Variants in MOB3B observed in about 807,000 individuals in gnomAD.
MOB3B encodes the protein MOB kinase activator-like 2B.
MOB3B carries 7 observed loss-of-function variants against 18.7 expected under a neutral mutation model. The observed-to-expected ratio is 0.37, with a 90% CI of 0.21 to 0.70. The LOEUF (loss-of-function observed/expected upper bound fraction) is 0.70, where lower values mean the gene tolerates loss of function less well. Ranked by LOEUF, MOB3B falls within the 30% of genes least tolerant of loss-of-function variation. The pLI is 0.52. For synonymous variants in MOB3B, 111 were observed against 99.9 expected (o/e 1.11, Z -0.66); for missense variants, 253 against 281.3 (o/e 0.90, Z 0.72).
intron 2 of MOB3B, among the ~76,000 whole-genome samples, chr9:27,433,983 A>T (rs1244301012): frequency 2.0e-5 from 3 of 152,216 alleles, no homozygotes; most frequent in African/African-American, 7.2e-5. Context: ...CAGGAGGTGG[A>T]GCCCAGCATC....
chr9:27,514,243 G>C (rs1441025456), intron 1 of MOB3B, among the ~76,000 whole-genome samples: 2 of 149,802 alleles, frequency 1.3e-5, no homozygotes, highest in African/African-American at 4.9e-5. Flanking sequence ...AATATTTGGA[G>C]GCATAAGGCT....
At chr9:27,417,801 G>A (rs193118909) in intron 2 of MOB3B, among the ~76,000 whole-genome samples, 6 of 152,120 alleles carry the variant, frequency 3.9e-5, no homozygotes, top group Admixed American at 2.6e-4. Context: ...GGTGGCTCAC[G>A]CCTGTAATCC....
rs188930563 is a variant in MOB3B at position 27,459,018 on chromosome 9, C to G, written c.-198-3270G>C. 1.2e-4 allele frequency among the ~76,000 whole-genome samples: 18 copies of G among 151,782 alleles called. No homozygotes were observed. The East Asian group carries it at 1.6e-3, about 13-fold the overall frequency. Reference sequence around the variant, plus strand: ...AATAGGTTGATCAGGTAGGCCCCCCCCCATGTTTAAAGACAATGGCAATCC... The same window carrying G: ...AATAGGTTGATCAGGTAGGCCCCCCGCCATGTTTAAAGACAATGGCAATCC... On this transcript the variant is annotated intron_variant, in intron 1 of 3. Transcript: ENST00000262244.
chr9:27,424,432 G>C (rs763414801), intron 2 of MOB3B, among the ~76,000 whole-genome samples: 2 of 152,194 alleles, frequency 1.3e-5, no homozygotes, highest in African/African-American at 2.4e-5. Flanking sequence ...GGTCCCCAGT[G>C]AGTCATTTCA....
At chr9:27,467,636 A>T (rs1276395457) in intron 1 of MOB3B, among the ~76,000 whole-genome samples, 1 of 152,266 alleles carries the variant, frequency 6.6e-6, no homozygotes, top group African/African-American at 2.4e-5. Flanking sequence ...TTTTACTAAC[A>T]TCGCCCCAGG....
chr9:27,510,699 T>C (rs1820129852), intron 1 of MOB3B, among the ~76,000 whole-genome samples: 1 of 152,198 alleles, frequency 6.6e-6, no homozygotes, highest in Admixed American at 6.5e-5. Context: ...GAGCCAATGT[T>C]GAGCAAATGG....
intron 2 of MOB3B, among the ~76,000 whole-genome samples, chr9:27,371,780 C>T (rs1466977152): frequency 1.3e-5 from 2 of 151,590 alleles, no homozygotes; most frequent in African/African-American, 4.9e-5. Flanking sequence ...TGTTGGCCAG[C>T]AGGAATATAG....
At chr9:27,513,344 C>T (rs1458924930) in intron 1 of MOB3B, among the ~76,000 whole-genome samples, 5 of 152,142 alleles carry the variant, frequency 3.3e-5, no homozygotes, top group African/African-American at 1.2e-4. Flanking sequence ...AACCTGGCCT[C>T]CTTGCTTCTA....
At chr9:27,364,983 A>G (rs1821322048) in intron 2 of MOB3B, among the ~76,000 whole-genome samples, 1 of 152,122 alleles carries the variant, frequency 6.6e-6, no homozygotes, top group South Asian at 2.1e-4. Flanking sequence ...TCTCAAACTT[A>G]TGTCTTATAT....
In MOB3B at chr9:27,329,458, A is replaced by C. The variant is rs550850864; in HGVS notation, c.*1129T>G. 6.6e-6 allele frequency: 1 copy of C among 152,322 alleles called. No homozygotes were observed. The highest frequency in any genetic ancestry group is 2.4e-5 in the African/African-American group (1 of 41,576). 9.4% of individuals were successfully genotyped at this position (152,322 alleles called of 1,614,324 possible). Reference sequence around the variant, plus strand: ...CTGTTACCTTGGCAACCGTGGCCCAATCACAGGGGCAGAAATTAATTTTGT... The same window carrying C: ...CTGTTACCTTGGCAACCGTGGCCCACTCACAGGGGCAGAAATTAATTTTGT... On this transcript the variant is annotated 3_prime_UTR_variant, in exon 4 of 4. Transcript: ENST00000262244.
chr9:27,400,204 A>C (rs910824383), intron 2 of MOB3B, among the ~76,000 whole-genome samples: 1 of 152,266 alleles, frequency 6.6e-6, no homozygotes, highest in African/African-American at 2.4e-5. Context: ...AATGATAGAT[A>C]TAAATAACTT....
intron 2 of MOB3B, among the ~76,000 whole-genome samples, chr9:27,363,432 C>A (rs191606060): frequency 3.3e-5 from 5 of 152,176 alleles, no homozygotes; most frequent in Non-Finnish European, 7.4e-5. Context: ...CCACGCCCGG[C>A]TAATTTTTTG....
chr9:27,452,075 A>G (rs539951474), intron 2 of MOB3B, among the ~76,000 whole-genome samples: 1 of 152,326 alleles, frequency 6.6e-6, no homozygotes, highest in South Asian at 2.1e-4. Context: ...AGCAAGGTGC[A>G]GGAAATATCC....
chr9:27,476,170 T>C (rs762596083), intron 1 of MOB3B, among the ~76,000 whole-genome samples: 40 of 152,230 alleles, frequency 2.6e-4, no homozygotes, highest in Non-Finnish European at 4.3e-4. Context: ...AAGTCTTCTA[T>C]CACTTCAAGG....
chr9:27,434,063 G>A (rs948419085), intron 2 of MOB3B, among the ~76,000 whole-genome samples: 1 of 152,164 alleles, frequency 6.6e-6, no homozygotes, highest in Non-Finnish European at 1.5e-5. Flanking sequence ...AAGATGCATG[G>A]TAGCCTCATG....
intron 2 of MOB3B, among the ~76,000 whole-genome samples, chr9:27,449,012 G>A (rs996497769): frequency 5.9e-5 from 9 of 152,138 alleles, no homozygotes; most frequent in African/African-American, 2.2e-4. Flanking sequence ...CTCTGCTGAG[G>A]TTAGCTGGTT....
intron 2 of MOB3B, among the ~76,000 whole-genome samples, chr9:27,448,452 G>A (rs769354865): frequency 6.6e-6 from 1 of 152,166 alleles, no homozygotes; most frequent in Non-Finnish European, 1.5e-5. Flanking sequence ...CAAAAGGCAC[G>A]TCTTACTTGG....
chr9:27,455,233 A>G lies in MOB3B; in HGVS notation c.318T>C (p.Tyr106=). The G allele has an allele frequency of 6.2e-7, 1 of 1,614,128 alleles. No homozygotes were observed. The highest frequency in any genetic ancestry group is 8.5e-7 in the Non-Finnish European group (1 of 1,180,020). ...GAGCTGGCAGCGCTGTTGGCTTCTT[A>G]TACTTGAGATCATCCTGCCACCGAT... The part of the protein sequence containing the change: ...YEYRWQDDLK[Y]KKPTALPAPQ... Residue 106 remains tyrosine (Y), a synonymous_variant, in exon 2 of 4, where the codon TAT becomes TAC. Coordinates refer to ENST00000262244, the MANE Select transcript of MOB3B (RefSeq NM_024761.5).
At chr9:27,416,971 G>A (rs1822160264) in intron 2 of MOB3B, among the ~76,000 whole-genome samples, 1 of 152,206 alleles carries the variant, frequency 6.6e-6, no homozygotes. Flanking sequence ...TAGAACTGGT[G>A]TGCGATTGAA....
Sources: gnomAD v4.1 joint callset for allele counts (sites outside exome capture counted in the v4.1 genomes callset) on GRCh38, gnomAD v4.1.1 for gene constraint, MANE v1.5 for transcripts, NCBI Gene and HGNC (gene_info 2026-07-23, HGNC 2026-07-21) for gene names.